The following ANK3 variants were observed in gnomAD, a reference collection of about 807,000 sequenced individuals.
ANK3 encodes the protein ankyrin 3.
ANK3 carries 57 observed loss-of-function variants against 370.9 expected under a neutral mutation model. The observed-to-expected ratio is 0.15, with a 90% CI of 0.12 to 0.19. The LOEUF (loss-of-function observed/expected upper bound fraction) is 0.19. ANK3 is among the 10% of genes least tolerant of loss of function. The pLI is 1.00. For synonymous variants in ANK3, 1,929 were observed against 1,946.3 expected (o/e 0.99, Z 0.23); for missense variants, 4,439 against 5,302.1 (o/e 0.84, Z 5.06).
chr10:60,302,508 G>C (rs370804374), intron 1 of ANK3, among the ~76,000 whole-genome samples: 16 of 151,982 alleles, frequency 1.1e-4, no homozygotes, highest in Non-Finnish European at 2.2e-4. Context: ...CATTATTTTA[G>C]TTCTCACAGC....
intron 2 of ANK3, among the ~76,000 whole-genome samples, chr10:60,559,034 T>C (rs2077273557): frequency 6.6e-6 from 1 of 152,210 alleles, no homozygotes; most frequent in Non-Finnish European, 1.5e-5. Flanking sequence ...TTATCAAATG[T>C]GATAAGTAGC....
intron 1 of ANK3, among the ~76,000 whole-genome samples, chr10:60,346,135 T>C (rs2055414449): frequency 6.6e-6 from 1 of 151,996 alleles, no homozygotes; most frequent in Non-Finnish European, 1.5e-5. Flanking sequence ...TAAAAATACA[T>C]GTATACAAAA....
At chr10:60,701,324 T>C (rs375209302) in intron 1 of ANK3, among the ~76,000 whole-genome samples, 1 of 152,126 alleles carries the variant, frequency 6.6e-6, no homozygotes, top group Non-Finnish European at 1.5e-5. Context: ...GAAAGGGAAT[T>C]TGGCAATATT....
In ANK3 at chr10:60,069,550, T is replaced by C. The variant is rs779924682; in HGVS notation, c.11331A>G (p.Glu3777=). The C allele has an allele frequency of 1.9e-6, 3 of 1,613,018 alleles. No homozygotes were observed. The highest frequency in any genetic ancestry group is 2.5e-6 in the Non-Finnish European group (3 of 1,179,768). ...ANSQMGVRPH[E]KHDFQKDNFN... ...AGTTATCTTTTTGAAAATCATGTTT[T>C]TCATGGGGCCTAACGCCCATCTGGC... Residue 3777 remains glutamate (E), a synonymous_variant, in exon 37 of 44, where the codon GAA becomes GAG. Transcript: ENST00000280772.
At chr10:60,206,874 C>CT (rs1314453366) in intron 10 of ANK3, among the ~76,000 whole-genome samples, 1 of 152,204 alleles carries the variant, frequency 6.6e-6, no homozygotes, top group East Asian at 1.9e-4. Context: ...GTCAAAGTCA[C>CT]TGCAGGTGCT....
intron 2 of ANK3, among the ~76,000 whole-genome samples, chr10:60,502,667 C>A (rs559340745): frequency 1.5e-4 from 22 of 145,508 alleles, no homozygotes; most frequent in Non-Finnish European, 3.1e-4. Context: ...CTCCAGTCTG[C>A]GCAACATAGG....
upstream of ANK3, among the ~76,000 whole-genome samples, chr10:60,390,572 TG>T (rs2063008626): frequency 6.6e-6 from 1 of 152,126 alleles, no homozygotes; most frequent in South Asian, 2.1e-4. Flanking sequence ...CAAGGCCTGC[TG>T]GGGTGTCTTC....
intron 30 of ANK3, chr10:60,086,447 A>G: frequency 2.4e-6 from 1 of 419,572 alleles, no homozygotes; most frequent in Non-Finnish European, 4.2e-6. Context: ...AGATGCTATC[A>G]CTAAATTTTA....
intron 24 of ANK3, 133 bp downstream of exon 24, chr10:60,138,831 G>T: frequency 8.3e-7 from 1 of 1,202,738 alleles, no homozygotes; most frequent in Non-Finnish European, 1.2e-6. Flanking sequence ...TTTGCGTCGA[G>T]AACATTTCGC....
At chr10:60,583,892 G>A (rs867958279) in intron 2 of ANK3, among the ~76,000 whole-genome samples, 11 of 152,090 alleles carry the variant, frequency 7.2e-5, no homozygotes, top group South Asian at 4.2e-4. Flanking sequence ...CCACAGAGAA[G>A]TATTTTAAAT....
intron 1 of ANK3, among the ~76,000 whole-genome samples, chr10:60,670,420 G>T (rs1023846585): frequency 1.3e-5 from 2 of 151,974 alleles, no homozygotes; most frequent in Non-Finnish European, 2.9e-5. Flanking sequence ...TTATCACCAA[G>T]ACCTGTAGAT....
At chr10:60,110,295 C>T (rs2092605411) in intron 26 of ANK3, among the ~76,000 whole-genome samples, 1 of 152,124 alleles carries the variant, frequency 6.6e-6, no homozygotes, top group Non-Finnish European at 1.5e-5. Context: ...GTGATCCCCA[C>T]AGGCAGAGGC....
At chr10:60,147,734 A>G (rs1354002609) in intron 23 of ANK3, among the ~76,000 whole-genome samples, 1 of 152,168 alleles carries the variant, frequency 6.6e-6, no homozygotes, top group Non-Finnish European at 1.5e-5. Flanking sequence ...CCGGCCTTGT[A>G]AAGTACTGGC....
chr10:60,270,828 G>A (rs1185122184), intron 4 of ANK3, among the ~76,000 whole-genome samples: 1 of 152,124 alleles, frequency 6.6e-6, no homozygotes, highest in Non-Finnish European at 1.5e-5. Context: ...TTTGCATAAT[G>A]GTATGATTCA....
intron 2 of ANK3, among the ~76,000 whole-genome samples, chr10:60,477,557 A>ACACC (rs1218656653): frequency 6.7e-6 from 1 of 148,566 alleles, no homozygotes; most frequent in African/African-American, 2.5e-5. Context: ...ACACACACAC[A>ACACC]CACCAGGTAG....
At chr10:60,263,785 T>A in intron 6 of ANK3, 50 bp downstream of exon 6, 1 of 1,606,148 alleles carries the variant, frequency 6.2e-7, no homozygotes, top group Non-Finnish European at 8.5e-7. Flanking sequence ...AAAGGTTGTG[T>A]GTCTAACACC....
chr10:60,080,829 C>T (rs1197743503), intron 35 of ANK3, among the ~76,000 whole-genome samples: 1 of 152,120 alleles, frequency 6.6e-6, no homozygotes, highest in Non-Finnish European at 1.5e-5. Context: ...CAGCAGACTA[C>T]AGGGAAGTAC....
At chr10:60,198,862 T>G (rs12266845) in intron 13 of ANK3, among the ~76,000 whole-genome samples, 3 of 152,010 alleles carry the variant, frequency 2.0e-5, no homozygotes, top group South Asian at 4.2e-4. Context: ...AGAGAATGTA[T>G]CCTAGTAAAA....
rs192983930 is a variant in ANK3 at position 60,582,385 on chromosome 10, T to C, written c.96+32801A>G. Among the ~76,000 whole-genome samples, 863 of 152,256 alleles carry C rather than the reference T, an allele frequency of 5.7e-3. 4 individuals carry two copies. Among genetic ancestry groups the C allele is most frequent in the Middle Eastern group, 0.01 (3 of 294 alleles). On this transcript the variant is annotated intron_variant, in intron 2 of 43. Coordinates refer to the ANK3 transcript ENST00000373827. ...GAGGCATTTCTACTGAAGTTCCAAT[T>C]GTTTCCTGAATTTTCCTTCCTTCCT... is the stretch of plus-strand genomic sequence containing the variant.
Sources: allele counts gnomAD v4.1 joint callset (sites outside exome capture counted in the v4.1 genomes callset), GRCh38; gene constraint gnomAD v4.1.1; transcripts MANE v1.5; gene names NCBI Gene and HGNC (gene_info 2026-07-23, HGNC 2026-07-21).